Variants in LRBA observed in about 807,000 individuals in gnomAD.
LRBA encodes lipopolysaccharide-responsive and beige-like anchor protein.
Under a neutral mutation model 330.0 loss-of-function variants are expected in LRBA, and 176 were observed. The ratio of observed to expected loss-of-function variants is 0.53; its 90% confidence interval spans 0.47 to 0.60. LRBA has a LOEUF of 0.60. Ranked by LOEUF, LRBA falls within the 20% of genes least tolerant of loss-of-function variation. The probability of loss-of-function intolerance (pLI) is 0.00; values close to 1 mark genes in which losing one functional copy is unlikely to be tolerated. For missense variants in LRBA, 3,259 were observed against 3,444.8 expected (o/e 0.95, Z 1.35); for synonymous variants, 1,230 against 1,193.0 (o/e 1.03, Z -0.64).
Position 150,661,457 on chromosome 4 carries a change from G to A in LRBA, c.5921+22094C>T, listed in dbSNP as rs552036525. Among the ~76,000 whole-genome samples, 448 of 132,506 alleles carry A rather than the reference G, an allele frequency of 3.4e-3. 3 individuals carry two copies. The highest frequency in any genetic ancestry group is 5.9e-3 in the African/African-American group (201 of 34,042). 86.9% of individuals were successfully genotyped at this position (132,506 alleles called of 152,430 possible). On this transcript the variant is annotated intron_variant, in intron 37 of 56. Transcript: ENST00000651943. ...TGCCCTCCAGCCTGGGCAACACAGC[G>A]AGACTCTGTCTCAAAAAAAAAAAAA... is the stretch of plus-strand genomic sequence containing the variant.
At chr4:150,954,232 C>A (rs1220184566) in intron 2 of LRBA, among the ~76,000 whole-genome samples, 7 of 150,584 alleles carry the variant, frequency 4.6e-5, no homozygotes, top group Admixed American at 4.6e-4. Flanking sequence ...AAGTGAGGAG[C>A]CCCTCTGCCC....
At chr4:151,006,365 T>C (rs773613140) in intron 2 of LRBA, among the ~76,000 whole-genome samples, 3 of 152,038 alleles carry the variant, frequency 2.0e-5, no homozygotes, top group Non-Finnish European at 4.4e-5. Flanking sequence ...AAAAGAATAA[T>C]AGGAACTAGG....
At chr4:150,671,424 T>C (rs1037024623) in intron 37 of LRBA, among the ~76,000 whole-genome samples, 3 of 152,204 alleles carry the variant, frequency 2.0e-5, no homozygotes, top group Non-Finnish European at 2.9e-5. Context: ...GTAGGTGTTC[T>C]TGATTGCCTC....
intron 56 of LRBA, among the ~76,000 whole-genome samples, chr4:150,274,544 C>T (rs1390684182): frequency 6.6e-6 from 1 of 152,058 alleles, no homozygotes; most frequent in Non-Finnish European, 1.5e-5. Flanking sequence ...AAATAGACCA[C>T]TAGCCAGATT....
rs1411550478 is a variant in LRBA at position 150,905,909 on chromosome 4, T to A, written c.1684A>T (p.Met562Leu). Reference sequence around the variant, plus strand: ...TCACACAATTGCTTGAGCAGGGGCATCCCATTCTGCAGATTACTCAGATAT... The same window carrying A: ...TCACACAATTGCTTGAGCAGGGGCAACCCATTCTGCAGATTACTCAGATAT... ...SKYLSNLQNGMPLLKQLCDHV... is the reference protein window; with the variant it reads ...SKYLSNLQNGLPLLKQLCDHV... The change falls in exon 13 of 57, where the codon ATG (methionine) becomes TTG (leucine). Residue 562 changes from methionine to leucine, a missense_variant. Coordinates refer to ENST00000651943, the MANE Select transcript of LRBA (RefSeq NM_001364905.1). 1.2e-6 allele frequency: 2 copies of A among 1,613,590 alleles called. No individual in the cohort carries two copies. The highest frequency in any genetic ancestry group is 1.7e-6 in the Non-Finnish European group (2 of 1,179,578).
intron 48 of LRBA, among the ~76,000 whole-genome samples, chr4:150,349,367 A>G (rs1736833848): frequency 6.6e-6 from 1 of 152,194 alleles, no homozygotes; most frequent in South Asian, 2.1e-4. Context: ...AATTTTTCAT[A>G]TGAAGTATAT....
chr4:150,272,050 T>C (rs1746191764), intron 56 of LRBA, among the ~76,000 whole-genome samples: 2 of 152,176 alleles, frequency 1.3e-5, no homozygotes, highest in South Asian at 4.1e-4. Flanking sequence ...CCTCAACCCC[T>C]GTGTCTCCTG....
intron 53 of LRBA, among the ~76,000 whole-genome samples, chr4:150,290,917 T>C (rs1728195084): frequency 2.0e-5 from 3 of 152,194 alleles, no homozygotes; most frequent in Admixed American, 6.5e-5. Context: ...AAGATCTCTA[T>C]ACTAACCACT....
chr4:150,997,174 A>G (rs959347897), intron 2 of LRBA, among the ~76,000 whole-genome samples: 3 of 152,224 alleles, frequency 2.0e-5, no homozygotes, highest in Non-Finnish European at 4.4e-5. Context: ...GAATAAAGTC[A>G]GTGTCTAACA....
At chr4:150,487,925 T>G in intron 41 of LRBA, 91 bp from the exon 42 acceptor site, 1 of 576,712 alleles carries the variant, frequency 1.7e-6, no homozygotes, top group Non-Finnish European at 3.1e-6. Context: ...TTACTTTTAA[T>G]TCAGGTATCT....
At chr4:150,688,427 T>G (rs1783816653) in intron 36 of LRBA, among the ~76,000 whole-genome samples, 1 of 152,158 alleles carries the variant, frequency 6.6e-6, no homozygotes, top group South Asian at 2.1e-4. Context: ...CCAAAAGCAA[T>G]GGCAACATAA....
intron 17 of LRBA, among the ~76,000 whole-genome samples, chr4:150,891,730 G>A (rs537840516): frequency 3.3e-5 from 5 of 152,110 alleles, no homozygotes; most frequent in Admixed American, 6.5e-5. Context: ...GGACACCCAC[G>A]CACACACTAT....
At chr4:150,849,659 A>C in intron 24 of LRBA, 84 bp from the exon 25 acceptor site, 2 of 1,107,528 alleles carry the variant, frequency 1.8e-6, no homozygotes, top group Non-Finnish European at 2.7e-6. Context: ...AAAGATAAGA[A>C]GGTGCTTTTG....
At chr4:150,304,973 C>T (rs1051444429) in intron 52 of LRBA, among the ~76,000 whole-genome samples, 6 of 152,128 alleles carry the variant, frequency 3.9e-5, no homozygotes, top group African/African-American at 1.4e-4. Flanking sequence ...ATGACTTCTG[C>T]TTTAGCCTAT....
chr4:150,340,874 C>T (rs1735438447), intron 48 of LRBA, among the ~76,000 whole-genome samples: 1 of 152,118 alleles, frequency 6.6e-6, no homozygotes, highest in Non-Finnish European at 1.5e-5. Flanking sequence ...AGGAAGAGAA[C>T]AGACGACATG....
At chr4:150,426,016 T>G (rs2151973560) in intron 46 of LRBA, among the ~76,000 whole-genome samples, 1 of 152,156 alleles carries the variant, frequency 6.6e-6, no homozygotes, top group South Asian at 2.1e-4. Flanking sequence ...TAACAATATA[T>G]TATAAAAATA....
chr4:150,895,241 T>TA (rs1177788395), intron 16 of LRBA, among the ~76,000 whole-genome samples: 1 of 152,174 alleles, frequency 6.6e-6, no homozygotes, highest in East Asian at 1.9e-4. Flanking sequence ...TTCCTGGTGC[T>TA]AAAAAATAAA....
intron 37 of LRBA, among the ~76,000 whole-genome samples, chr4:150,610,167 A>T (rs545357810): frequency 5.3e-5 from 8 of 152,270 alleles, no homozygotes; most frequent in African/African-American, 1.7e-4. Flanking sequence ...AAGTTTAAGG[A>T]TGATTAAATA....
chr4:150,912,094 T>C (rs1732061512), intron 9 of LRBA, among the ~76,000 whole-genome samples: 1 of 152,184 alleles, frequency 6.6e-6, no homozygotes, highest in Non-Finnish European at 1.5e-5. Flanking sequence ...CCTTAGCCTA[T>C]GTAAGAATTT....
Sources: gnomAD v4.1 joint callset for allele counts (sites outside exome capture counted in the v4.1 genomes callset) on GRCh38, gnomAD v4.1.1 for gene constraint, MANE v1.5 for transcripts, NCBI Gene and HGNC (gene_info 2026-07-23, HGNC 2026-07-21) for gene names.